Variants in ROGDI observed in about 807,000 individuals in gnomAD.
ROGDI encodes rogdi atypical leucine zipper.
A neutral mutation model predicts 43.1 loss-of-function variants in ROGDI; 46 were observed. The ratio of observed to expected loss-of-function variants is 1.07; its 90% CI spans 0.84 to 1.37. The LOEUF is 1.37. Among genes scored for constraint, ROGDI ranks in the 40% most tolerant of loss-of-function variants. The pLI, the probability that ROGDI is intolerant of heterozygous loss-of-function variation, is 0.00. For missense variants in ROGDI, 518 were observed against 383.9 expected (o/e 1.35, Z -2.92); for synonymous variants, 243 against 162.0 (o/e 1.50, Z -3.80).
At position 4,799,793 on chromosome 16, in the gene ROGDI, G is replaced by A. The variant is rs1567600946; in HGVS notation, c.337-12C>T. On this transcript the variant is annotated splice_polypyrimidine_tract_variant and intron_variant, in intron 5 of 10. Transcript: ENST00000322048. ...CTGGCATCCTGGATCTGGAAGCAGGGGTCATCCAGAGGGGTCACGCCAGCT... is the reference window on the plus strand; with the variant it reads ...CTGGCATCCTGGATCTGGAAGCAGGAGTCATCCAGAGGGGTCACGCCAGCT... 3.7e-6 allele frequency: 6 copies of A among 1,602,762 alleles called. No homozygotes were observed. The highest frequency in any genetic ancestry group is 4.5e-5 in the East Asian group (2 of 44,758).
intron 4 of ROGDI, 46 bp from the exon 5 acceptor site, chr16:4,800,624 C>T (rs1406107364): frequency 7.0e-7 from 1 of 1,434,836 alleles, no homozygotes. Flanking sequence ...GGGGCACCTC[C>T]TGCCACAGCC....
chr16:4,797,030 A>C lies in ROGDI; in HGVS notation c.*430T>G, dbSNP rs1237472723. ...ACTGGGGCTATGAAACACAGTCACC[A>C]GCACTATACTCACTCCTAGGGTGGC... On this transcript the variant is annotated 3_prime_UTR_variant, in exon 11 of 11. Transcript: ENST00000322048. 5.8e-6 allele frequency: 1 copy of C among 172,452 alleles called. No individual in the cohort carries two copies. The highest frequency in any genetic ancestry group is 1.6e-4 in the East Asian group (1 of 6,138). The allele number at this position is 172,452 out of a possible 1,614,324, so 10.7% of individuals were successfully genotyped here.
Position 4,798,159 on chromosome 16 carries a change from G to C in ROGDI, c.557C>G (p.Ser186Cys). The change falls in exon 8 of 11, where the codon TCC (serine) becomes TGC (cysteine). Residue 186 changes from serine (S) to cysteine (C), a missense_variant. Physicochemically the swap from Ser to Cys is moderately radical, Grantham distance 112 (BLOSUM62 -1). Transcript: ENST00000322048. ...LTRMFAPALP[S>C]DLLVNVYINL... ...GATGTAGACGTTGACCAGCAGGTCG[G>C]ACGGCAGGGCAGGGGCGAACATCCG... The C allele has an allele frequency of 6.2e-7, 1 of 1,613,950 alleles. No homozygotes were observed. Among genetic ancestry groups the C allele is most frequent in the Non-Finnish European group, 8.5e-7 (1 of 1,179,914 alleles).
chr16:4,797,990 A>T lies in ROGDI; in HGVS notation c.646-3T>A, dbSNP rs1366815550. 6.2e-7 allele frequency: 1 copy of T among 1,611,624 alleles called. No homozygotes were observed. Among genetic ancestry groups the T allele is most frequent in the Non-Finnish European group, 8.5e-7 (1 of 1,178,556 alleles). ...GCGCCCCCAGCTGGGCGGAAGTTCT[A>T]GGGAGAACAGCACCAGACCCGTCAG... On this transcript the variant is annotated splice_region_variant and splice_polypyrimidine_tract_variant and intron_variant, in intron 8 of 10. Coordinates refer to ENST00000322048, the MANE Select transcript of ROGDI (RefSeq NM_024589.3).
chr16:4,801,399 C>A, intron 3 of ROGDI, 78 bp from the exon 4 acceptor site: 1 of 1,564,104 alleles, frequency 6.4e-7, no homozygotes. Flanking sequence ...GGCTGCCCCT[C>A]CTGTCCCATC....
Position 4,801,535 on chromosome 16 carries a change from G to C in ROGDI, c.168C>G (p.Ala56=). The change falls in exon 3 of 11, where the codon GCC becomes GCG. Residue 56 remains alanine (A), a synonymous_variant. Transcript: ENST00000322048. ...TLPGSGTEGP[A]KQENFILGSC... is the part of the protein sequence containing the mutation. ...TGCCTAGGATGAAGTTCTCTTGCTT[G>C]GCGGGCCCCTCAGTGCCGGAGCCCG... is the stretch of plus-strand genomic sequence containing the variant. The C allele has an allele frequency of 1.9e-6, 3 of 1,607,210 alleles. No homozygotes were observed. The South Asian group carries it at 3.3e-5, about 18-fold the overall frequency.
chr16:4,798,541 T>G, intron 7 of ROGDI, 28 bp downstream of exon 7: 1 of 1,513,368 alleles, frequency 6.6e-7, no homozygotes, highest in Non-Finnish European at 8.8e-7. Context: ...ACCCCTCTCC[T>G]GCAGCAGGGG....
Position 4,797,760 on chromosome 16 carries a change from ACCAGGGCGTCGTTGAG to A in ROGDI, c.760_775del (p.Leu254SerfsTer95). 6.2e-7 allele frequency: 1 copy of A among 1,613,824 alleles called. No homozygotes were observed. Among genetic ancestry groups the A allele is most frequent in the East Asian group, 2.2e-5 (1 of 44,864 alleles). ...GAGCTGCAGGGAGACGGTGAAGTAG[ACCAGGGCGTCGTTGAG>A]CCAGGGGATCACGCACTCCACTTTG... On this transcript the variant is annotated frameshift_variant, in exon 10 of 11. Coordinates refer to ENST00000322048, the MANE Select transcript of ROGDI (RefSeq NM_024589.3). LOFTEE classifies it high-confidence loss of function.
rs751917059 is a variant in ROGDI at position 4,802,411 on chromosome 16, C to A, written c.88G>T (p.Val30Leu). ...AGGATGTCCTGCAGCTGCTTCAACA[C>A]AGCGTGCACCTCGTCGTGCAGCAGC... is the stretch of plus-strand genomic sequence containing the variant. ...RWLLHDEVHA[V>L]LKQLQDILKE... The change falls in exon 2 of 11, where the codon GTG (valine) becomes TTG (leucine). Residue 30 changes from valine to leucine, a missense_variant. By Grantham distance (32) the Val-to-Leu change is conservative (BLOSUM62 1). Transcript: ENST00000322048. 11 of 1,543,630 alleles carry A rather than the reference C, an allele frequency of 7.1e-6. No homozygotes were observed. The highest frequency in any genetic ancestry group is 7.8e-6 in the Non-Finnish European group (9 of 1,150,792).
chr16:4,797,049 G>C lies in ROGDI; in HGVS notation c.*411C>G, dbSNP rs1277013360. The C allele has an allele frequency of 4.5e-6, 1 of 220,270 alleles. No homozygotes were observed. Among genetic ancestry groups the C allele is most frequent in the Non-Finnish European group, 9.2e-6 (1 of 108,990 alleles). 13.6% of individuals were successfully genotyped at this position (220,270 alleles called of 1,614,324 possible). A position where few individuals can be genotyped will look rare whatever the true frequency, so the allele number is the denominator to read the frequency against. ...GTCACCAGCACTATACTCACTCCTA[G>C]GGTGGCTCTGTCTGTGGCGTTCCTC... On this transcript the variant is annotated 3_prime_UTR_variant, in exon 11 of 11. Coordinates refer to ENST00000322048, the MANE Select transcript of ROGDI (RefSeq NM_024589.3).
chr16:4,800,798 T>C (rs942658592), intron 4 of ROGDI: 11 of 571,524 alleles, frequency 1.9e-5, no homozygotes, highest in Non-Finnish European at 3.4e-5. Flanking sequence ...AGAAGTGAAA[T>C]GGAAAGAGGT....
chr16:4,799,792 G>C lies in ROGDI; in HGVS notation c.337-11C>G, dbSNP rs1042517485. On this transcript the variant is annotated splice_polypyrimidine_tract_variant and intron_variant, in intron 5 of 10. Transcript: ENST00000322048. ...TCTGGCATCCTGGATCTGGAAGCAG[G>C]GGTCATCCAGAGGGGTCACGCCAGC... 2 of 1,604,622 alleles carry C rather than the reference G, an allele frequency of 1.2e-6. No individual in the cohort carries two copies. The highest frequency in any genetic ancestry group is 2.7e-5 in the African/African-American group (2 of 74,800).
Position 4,802,537 on chromosome 16 carries a change from C to T in ROGDI, c.35G>A (p.Arg12Gln). 2 of 1,271,332 alleles carry T rather than the reference C, an allele frequency of 1.6e-6. No homozygotes were observed. The highest frequency in any genetic ancestry group is 2.4e-5 in the South Asian group (1 of 42,228). 78.8% of individuals were successfully genotyped at this position (1,271,332 alleles called of 1,614,324 possible). ...GCCCGCGCGCCTTACCAGCACCGCC[C>T]GCTCCGCCGCCGTCGCTGCCATCAC... is the stretch of plus-strand genomic sequence containing the variant. ...ATVMAATAAE[R>Q]AVLEEEFRWL... Residue 12 changes from arginine to glutamine, a missense_variant, in exon 1 of 11, where the codon CGG becomes CAG. Transcript: ENST00000322048.
intron 5 of ROGDI, 80 bp downstream of exon 5, chr16:4,800,418 C>T (rs2082700532): frequency 1.7e-6 from 2 of 1,142,928 alleles, no homozygotes; most frequent in South Asian, 2.8e-5. Flanking sequence ...CAGGGCTAGT[C>T]CCTCTCCAGG....
chr16:4,798,215 C>A (rs1349315834), intron 7 of ROGDI, 31 bp from the exon 8 acceptor site: 1 of 1,575,388 alleles, frequency 6.3e-7, no homozygotes, highest in Non-Finnish European at 8.7e-7. Context: ...GAGGCCCTCG[C>A]AAGCCCCCAG....
intron 2 of ROGDI, 47 bp from the exon 3 acceptor site, chr16:4,801,632 C>A (rs1443978758): frequency 2.6e-6 from 4 of 1,513,278 alleles, no homozygotes; most frequent in Non-Finnish European, 3.6e-6. Flanking sequence ...CCACTCAGGC[C>A]CGGCCCAGTG....
rs760260009 is a variant in ROGDI, at chr16:4,798,164, C to T, written c.552G>A (p.Leu184=). 1.2e-6 allele frequency: 2 copies of T among 1,613,840 alleles called. No homozygotes were observed. The change falls in exon 8 of 11, where the codon CTG becomes CTA. Residue 184 remains leucine, a synonymous_variant. Coordinates refer to ENST00000322048, the MANE Select transcript of ROGDI (RefSeq NM_024589.3). ...AGACGTTGACCAGCAGGTCGGACGG[C>T]AGGGCAGGGGCGAACATCCGCTGCG... ...SGLTRMFAPA[L]PSDLLVNVYI...
chr16:4,801,399 C>G, intron 3 of ROGDI, 78 bp from the exon 4 acceptor site: 1 of 1,564,104 alleles, frequency 6.4e-7, no homozygotes, highest in Non-Finnish European at 8.7e-7. Flanking sequence ...GGCTGCCCCT[C>G]CTGTCCCATC....
Position 4,797,385 on chromosome 16 carries a change from C to A in ROGDI, c.*75G>T, listed in dbSNP as rs777718834. Reference sequence around the variant, plus strand: ...GATAAATAGCAGCCTGGCGTTGGCACTGGCTGGTGCTCTGTGGTGGGTATG... The same window carrying A: ...GATAAATAGCAGCCTGGCGTTGGCAATGGCTGGTGCTCTGTGGTGGGTATG... On this transcript the variant is annotated 3_prime_UTR_variant, in exon 11 of 11. Transcript: ENST00000322048. The A allele has an allele frequency of 1.4e-6, 2 of 1,407,062 alleles. No individual in the cohort carries two copies. The highest frequency in any genetic ancestry group is 2.3e-5 in the East Asian group (1 of 43,716). 87.2% of individuals were successfully genotyped at this position (1,407,062 alleles called of 1,614,324 possible). A position where few individuals can be genotyped will look rare whatever the true frequency, so the allele number is the denominator to read the frequency against.
Sources: gnomAD v4.1 joint callset for allele counts on GRCh38, gnomAD v4.1.1 for gene constraint, MANE v1.5 for transcripts, NCBI Gene and HGNC (gene_info 2026-07-23, HGNC 2026-07-21) for gene names.